ACSL1: variants seen among roughly 807,000 people sequenced by gnomAD.
The protein encoded by ACSL1 is long-chain-fatty-acid--CoA ligase 1.
In ACSL1, 41 loss-of-function variants were observed where a neutral mutation model predicts 98.4. That is an observed-to-expected ratio of 0.42 (90% CI 0.32 to 0.54). The LOEUF is 0.54. ACSL1 is among the 20% of genes least tolerant of loss of function. The probability of loss-of-function intolerance (pLI) is 0.13; values close to 1 mark genes in which losing one functional copy is unlikely to be tolerated. For synonymous variants in ACSL1, 316 were observed against 322.7 expected, an observed-to-expected ratio of 0.98 and a Z score of 0.22; for missense variants, 734 against 883.1, an observed-to-expected ratio of 0.83 and a Z score of 2.14.
At chr4:184,780,493 G>A in intron 4 of ACSL1, 60 bp from the exon 5 acceptor site, 1 of 1,291,328 alleles carries the variant, frequency 7.7e-7, no homozygotes, top group Non-Finnish European at 1.1e-6. Context: ...AAACAAAGCT[G>A]ACCAGACGGC....
chr4:184,813,637 G>C (rs1772340715), intron 1 of ACSL1: 1 of 312,036 alleles, frequency 3.2e-6, no homozygotes, highest in East Asian at 7.7e-5. Flanking sequence ...AGCACGGCCT[G>C]TTATTACGAA....
rs558336968 is a variant in ACSL1, at chr4:184,773,942, C to T, written c.757-67G>A. 8.2e-6 allele frequency: 13 copies of T among 1,579,642 alleles called. No homozygotes were observed. The African/African-American group carries it at 1.1e-4, about 13-fold the overall frequency. On this transcript the variant is annotated intron_variant, in intron 7 of 20. Transcript: ENST00000281455. This position sits in a 1 kb window ranked among gnomAD's most constrained non-coding sequence, Gnocchi z 4.3. ...CTAACTGTAAAGGATAAGGTCACATCGAGTCACTTAAAGCTGGCTTTACTG... is the reference window on the plus strand; with the variant it reads ...CTAACTGTAAAGGATAAGGTCACATTGAGTCACTTAAAGCTGGCTTTACTG...
intron 3 of ACSL1, among the ~76,000 whole-genome samples, chr4:184,784,985 C>T (rs925416387): frequency 1.3e-5 from 2 of 152,144 alleles, no homozygotes; most frequent in Non-Finnish European, 2.9e-5. Flanking sequence ...TTGCATTAGC[C>T]ATATGAAATG....
At position 184,757,344 on chromosome 4, in the gene ACSL1, A is replaced by T; in HGVS notation, c.1957-79T>A. 1 of 1,495,952 alleles carries T rather than the reference A, an allele frequency of 6.7e-7. No homozygotes were observed. Among genetic ancestry groups the T allele is most frequent in the East Asian group, 2.3e-5 (1 of 43,610 alleles). The allele number at this position is 1,495,952 out of a possible 1,614,324, so 92.7% of individuals were successfully genotyped here. A position where few individuals can be genotyped will look rare whatever the true frequency, so the allele number is the denominator to read the frequency against. On this transcript the variant is annotated intron_variant, in intron 20 of 20. Coordinates refer to ENST00000281455, the MANE Select transcript of ACSL1 (RefSeq NM_001995.5). This position sits in a 1 kb window ranked among gnomAD's most constrained non-coding sequence, Gnocchi z 4.5. ...CAAAAGCACGTAAGCCTTGGAGGGGATCAACACTCTCCAGCCATCCAATCC... is the reference window on the plus strand; with the variant it reads ...CAAAAGCACGTAAGCCTTGGAGGGGTTCAACACTCTCCAGCCATCCAATCC...
At chr4:184,781,816 G>A (rs962931640) in intron 4 of ACSL1, among the ~76,000 whole-genome samples, 1 of 152,160 alleles carries the variant, frequency 6.6e-6, no homozygotes, top group Non-Finnish European at 1.5e-5. Flanking sequence ...TTGCCATGTT[G>A]GCCAGGCTGG....
At chr4:184,783,341 T>C (rs1766648826) in intron 4 of ACSL1, among the ~76,000 whole-genome samples, 1 of 152,188 alleles carries the variant, frequency 6.6e-6, no homozygotes, top group Non-Finnish European at 1.5e-5. Context: ...CACAAGTGCC[T>C]TCCCCGAACA....
At chr4:184,791,697 C>G (rs993944097) in intron 2 of ACSL1, among the ~76,000 whole-genome samples, 1 of 151,996 alleles carries the variant, frequency 6.6e-6, no homozygotes, top group Non-Finnish European at 1.5e-5. Flanking sequence ...AGGGAAGAGA[C>G]TGGGGAGAAA....
chr4:184,761,134 A>C (rs1762803224), intron 17 of ACSL1, among the ~76,000 whole-genome samples: 1 of 152,188 alleles, frequency 6.6e-6, no homozygotes, highest in Non-Finnish European at 1.5e-5. Flanking sequence ...TCCAAAAGTC[A>C]TCTGTAGAAA....
At chr4:184,788,013 A>C (rs1767697656) in intron 3 of ACSL1, among the ~76,000 whole-genome samples, 1 of 152,172 alleles carries the variant, frequency 6.6e-6, no homozygotes, top group African/African-American at 2.4e-5. Flanking sequence ...AAAAAGCAAA[A>C]TAGAACTGCA....
At chr4:184,786,320 T>C (rs1579902077) in intron 3 of ACSL1, among the ~76,000 whole-genome samples, 1 of 152,154 alleles carries the variant, frequency 6.6e-6, no homozygotes, top group South Asian at 2.1e-4. Flanking sequence ...TGGGAAAAAC[T>C]GGTTTCATTA....
In ACSL1 at chr4:184,763,200, T is replaced by G. The variant is rs558474416; in HGVS notation, c.1488A>C (p.Glu496Asp). Reference protein sequence around the residue: ...CNLIKLVDVEEMNYMAAEGEG... With the variant: ...CNLIKLVDVEDMNYMAAEGEG... ...CGCCCTCGGCAGCCATGTAATTCAT[T>G]TCTTCCACATCAACAAGTTTTATCA... The change falls in exon 16 of 21, where the codon GAA becomes GAC. Residue 496 changes from glutamate to aspartate, a missense_variant. Glu to Asp is a conservative substitution (Grantham distance 45). Transcript: ENST00000281455. 6.6e-5 allele frequency: 106 copies of G among 1,613,936 alleles called. No homozygotes were observed. Among genetic ancestry groups the G allele is most frequent in the Non-Finnish European group, 8.7e-5 (103 of 1,180,004 alleles).
At chr4:184,815,995 C>G (rs949527362) in intron 1 of ACSL1, among the ~76,000 whole-genome samples, 10 of 152,068 alleles carry the variant, frequency 6.6e-5, no homozygotes, top group Admixed American at 2.6e-4. Context: ...ATGGCACACA[C>G]CTGTAGTCCC....
At chr4:184,787,173 C>G (rs1767529327) in intron 3 of ACSL1, among the ~76,000 whole-genome samples, 1 of 152,166 alleles carries the variant, frequency 6.6e-6, no homozygotes, top group African/African-American at 2.4e-5. Flanking sequence ...AGACAAGTAC[C>G]TGGTATAAGC....
At chr4:184,762,850 T>C (rs1170024998) in intron 16 of ACSL1, among the ~76,000 whole-genome samples, 1 of 152,220 alleles carries the variant, frequency 6.6e-6, no homozygotes, top group Non-Finnish European at 1.5e-5. Context: ...AGCAGCTCAC[T>C]AATAGGTACC....
At position 184,773,795 on chromosome 4, in the gene ACSL1, T is replaced by G; in HGVS notation, c.789+48A>C. 1 of 1,613,794 alleles carries G rather than the reference T, an allele frequency of 6.2e-7. No homozygotes were observed. Among genetic ancestry groups the G allele is most frequent in the Non-Finnish European group, 8.5e-7 (1 of 1,179,852 alleles). On this transcript the variant is annotated intron_variant, in intron 8 of 20. Transcript: ENST00000281455. The surrounding 1 kb of genome is among the most constrained non-coding windows in gnomAD (Gnocchi z 4.3). ...AAGCCACAAGGTACCAGGCTAGATA[T>G]TGAAAACTACAAAGAGGACAGAGCA...
At chr4:184,788,864 A>T (rs537762442) in intron 2 of ACSL1, 133 bp from the exon 3 acceptor site, 16 of 662,154 alleles carry the variant, frequency 2.4e-5, no homozygotes, top group Non-Finnish European at 4.2e-5. Flanking sequence ...AACACTTAAA[A>T]TCTATTCTCT....
chr4:184,810,929 T>A (rs895909146), intron 1 of ACSL1, among the ~76,000 whole-genome samples: 4 of 152,078 alleles, frequency 2.6e-5, no homozygotes, highest in African/African-American at 9.7e-5. Context: ...CAGGAAACTG[T>A]ACAGGAGTCA....
At chr4:184,775,623 G>A (rs1263748657) in intron 7 of ACSL1, among the ~76,000 whole-genome samples, 1 of 152,182 alleles carries the variant, frequency 6.6e-6, no homozygotes. Context: ...AGAAGGTTCT[G>A]TTAGAACACC....
chr4:184,788,381 TA>T, intron 3 of ACSL1: 1 of 624,294 alleles, frequency 1.6e-6, no homozygotes, highest in Non-Finnish European at 3.0e-6. Context: ...TGACTCACCA[TA>T]AAATACAGGA....
Sources: allele counts gnomAD v4.1 joint callset (sites outside exome capture counted in the v4.1 genomes callset), GRCh38; gene constraint gnomAD v4.1.1; non-coding constraint Gnocchi (gnomAD v3.1); transcripts MANE v1.5; gene names NCBI Gene and HGNC (gene_info 2026-07-23, HGNC 2026-07-21).